RBPJ: variants seen among roughly 807,000 people sequenced by gnomAD.
RBPJ encodes the protein recombination signal binding protein for immunoglobulin kappa J region.
In RBPJ, 9 loss-of-function variants were observed where a neutral mutation model predicts 67.8. The observed-to-expected ratio is 0.13, with a 90% confidence interval of 0.08 to 0.23. The LOEUF is 0.23. RBPJ is among the 10% of genes least tolerant of loss of function. RBPJ has a pLI of 1.00. For missense variants in RBPJ, 305 were observed against 595.6 expected (o/e 0.51, Z 5.08); for synonymous variants, 198 against 203.3 (o/e 0.97, Z 0.22).
chr4:26,351,500 C>T (rs1198021741), intron 1 of RBPJ, among the ~76,000 whole-genome samples: 3 of 152,218 alleles, frequency 2.0e-5, no homozygotes, highest in Admixed American at 2.0e-4. Flanking sequence ...CCCACCTCAG[C>T]TTCCCAAGTA....
intron 1 of RBPJ, among the ~76,000 whole-genome samples, chr4:26,267,892 G>A (rs180973760): frequency 1.3e-5 from 2 of 152,172 alleles, no homozygotes; most frequent in Non-Finnish European, 2.9e-5. Flanking sequence ...ACAGGCGTGA[G>A]CCACGGCACC....
upstream of RBPJ, among the ~76,000 whole-genome samples, chr4:26,317,565 A>C (rs1011747285): frequency 3.9e-5 from 6 of 152,308 alleles, no homozygotes; most frequent in African/African-American, 1.4e-4. Flanking sequence ...ATTAGCACAG[A>C]CTGCGGGAAG....
chr4:26,296,359 A>G (rs547717396), intron 1 of RBPJ, among the ~76,000 whole-genome samples: 1 of 152,274 alleles, frequency 6.6e-6, no homozygotes, highest in South Asian at 2.1e-4. Context: ...CTGCTGTTGA[A>G]TGTAGCTGCT....
upstream of RBPJ, chr4:26,320,714 C>A: frequency 6.5e-7 from 1 of 1,544,380 alleles, no homozygotes; most frequent in Non-Finnish European, 8.7e-7. Context: ...CACGTACGTC[C>A]CTCAAAGCGC....
At chr4:26,167,033 T>C (rs1486591613) in intron 1 of RBPJ, among the ~76,000 whole-genome samples, 1 of 152,172 alleles carries the variant, frequency 6.6e-6, no homozygotes, top group African/African-American at 2.4e-5. Context: ...TGTAGATATG[T>C]GGCATTATTT....
In RBPJ at chr4:26,430,566, T is replaced by TG. The variant is rs1369666217; in HGVS notation, c.1148+45dup. Reference sequence around the variant, plus strand: ...TGCATCATCCAGAGGTTGTGAGGGGTGTGGGTACAGGAGATTCTTTCCTGG... The same window carrying TG: ...TGCATCATCCAGAGGTTGTGAGGGGTGGTGGGTACAGGAGATTCTTTCCTGG... On this transcript the variant is annotated intron_variant, in intron 10 of 10. Transcript: ENST00000355476. The surrounding 1 kb of genome is among the most constrained non-coding windows in gnomAD (Gnocchi z 4.1). The TG allele has an allele frequency of 6.5e-7, 1 of 1,538,970 alleles. No homozygotes were observed. Among genetic ancestry groups the TG allele is most frequent in the South Asian group, 1.2e-5 (1 of 83,222 alleles).
chr4:26,389,066 T>C (rs1731221671), intron 2 of RBPJ, among the ~76,000 whole-genome samples: 1 of 150,810 alleles, frequency 6.6e-6, no homozygotes, highest in African/African-American at 2.4e-5. Flanking sequence ...TACCAGAAAG[T>C]TAGAAAAAAA....
chr4:26,231,693 T>C (rs1719291652), intron 1 of RBPJ, among the ~76,000 whole-genome samples: 1 of 151,920 alleles, frequency 6.6e-6, no homozygotes, highest in Non-Finnish European at 1.5e-5. Context: ...ATTACAGGCA[T>C]GAGCCACGGC....
intron 1 of RBPJ, among the ~76,000 whole-genome samples, chr4:26,287,574 GAA>G (rs1721511458): frequency 2.5e-4 from 10 of 40,320 alleles, no homozygotes; most frequent in African/African-American, 1.5e-3. Flanking sequence ...GAAAGGAAAG[GAA>G]AGGACAGGAG....
the RBPJ span, among the ~76,000 whole-genome samples, chr4:26,111,392 A>G: frequency 1.3e-5 from 2 of 152,100 alleles, no homozygotes; most frequent in East Asian, 3.9e-4. Flanking sequence ...CAGCACCCTC[A>G]TGGTGTACCC....
At chr4:26,381,525 A>G (rs950882958) in intron 1 of RBPJ, among the ~76,000 whole-genome samples, 7 of 152,328 alleles carry the variant, frequency 4.6e-5, no homozygotes, top group Middle Eastern at 3.4e-3. Context: ...ATATAAAATC[A>G]TTGTTTTCTT....
intron 4 of RBPJ, among the ~76,000 whole-genome samples, chr4:26,418,799 G>A (rs915496586): frequency 1.6e-4 from 25 of 151,988 alleles, no homozygotes; most frequent in African/African-American, 2.9e-4. Flanking sequence ...CATAGACCTC[G>A]TCTTATGTTG....
At chr4:26,337,785 C>T (rs991187592) in intron 1 of RBPJ, among the ~76,000 whole-genome samples, 3 of 149,672 alleles carry the variant, frequency 2.0e-5, no homozygotes, top group African/African-American at 7.4e-5. Flanking sequence ...TTCATCGGCT[C>T]AGGCAATCCT....
At chr4:26,107,537 T>C in the RBPJ span, among the ~76,000 whole-genome samples, 1 of 152,228 alleles carries the variant, frequency 6.6e-6, no homozygotes, top group Non-Finnish European at 1.5e-5. Flanking sequence ...TAGCTTGTTA[T>C]AGAAAACCGC....
rs115027638 is a variant in RBPJ, at chr4:26,244,967, T to C, written c.-167+81353T>C. ...TTAAAATAAATATTTTAAATGCCGATTGTTATTTAATATTAATATTTTATT... is the reference window on the plus strand; with the variant it reads ...TTAAAATAAATATTTTAAATGCCGACTGTTATTTAATATTAATATTTTATT... On this transcript the variant is annotated intron_variant, in intron 1 of 4. Transcript: ENST00000512351. Among the ~76,000 whole-genome samples, 681 of 151,574 alleles carry C rather than the reference T, an allele frequency of 4.5e-3. 5 individuals are homozygous for C. Among genetic ancestry groups the C allele is most frequent in the African/African-American group, 0.016 (648 of 41,490 alleles).
chr4:26,114,710 T>C, the RBPJ span, among the ~76,000 whole-genome samples: 1 of 152,140 alleles, frequency 6.6e-6, no homozygotes, highest in Non-Finnish European at 1.5e-5. Context: ...TAATTATATG[T>C]GTGTATGTAC....
intron 1 of RBPJ, among the ~76,000 whole-genome samples, chr4:26,175,384 G>C (rs377456061): frequency 3.3e-5 from 5 of 152,006 alleles, no homozygotes; most frequent in Admixed American, 6.6e-5. Context: ...AGCTGGGGGG[G>C]GGATTTGAGT....
chr4:26,408,315 C>T (rs778233332), intron 3 of RBPJ, among the ~76,000 whole-genome samples: 3 of 151,936 alleles, frequency 2.0e-5, no homozygotes, highest in Non-Finnish European at 2.9e-5. Flanking sequence ...ACAACTTAAA[C>T]ACTGATTTAG....
chr4:26,418,797 T>C (rs935285492), intron 4 of RBPJ, among the ~76,000 whole-genome samples: 2 of 152,322 alleles, frequency 1.3e-5, no homozygotes, highest in South Asian at 2.1e-4. Flanking sequence ...TTCATAGACC[T>C]CGTCTTATGT....
Sources: allele counts gnomAD v4.1 joint callset (sites outside exome capture counted in the v4.1 genomes callset), GRCh38; gene constraint gnomAD v4.1.1; non-coding constraint Gnocchi (gnomAD v3.1); transcripts MANE v1.5; gene names NCBI Gene and HGNC (gene_info 2026-07-23, HGNC 2026-07-21).